The following TCF12 variants were observed in gnomAD, a reference collection of about 807,000 sequenced individuals.
The protein encoded by TCF12 is transcription factor 12, also known as DNA-binding protein HTF4.
A neutral mutation model predicts 86.0 loss-of-function variants in TCF12; 45 were observed. The ratio of observed to expected loss-of-function variants is 0.52; its 90% CI spans 0.41 to 0.67. The LOEUF (loss-of-function observed/expected upper bound fraction) is 0.67, where lower values mean the gene tolerates loss of function less well. Among genes scored for constraint, TCF12 ranks in the 30% least tolerant of loss-of-function variants. The probability of loss-of-function intolerance (pLI) is 0.00; values close to 1 mark genes in which losing one functional copy is unlikely to be tolerated. For missense variants in TCF12, 881 were observed against 859.9 expected, an observed-to-expected ratio of 1.02 and a Z score of -0.31; for synonymous variants, 330 against 299.6, an observed-to-expected ratio of 1.10 and a Z score of -1.05.
intron 3 of TCF12, among the ~76,000 whole-genome samples, chr15:57,062,583 T>C (rs1200857869): frequency 5.9e-5 from 9 of 152,204 alleles, no homozygotes; most frequent in African/African-American, 1.7e-4. Context: ...CCTTCCCTGC[T>C]TTTTGTTACC....
intron 12 of TCF12, among the ~76,000 whole-genome samples, chr15:57,237,173 A>ATG (rs1566964132): frequency 1.2e-4 from 17 of 140,594 alleles, no homozygotes; most frequent in African/African-American, 4.3e-4. Context: ...GTGTGTGTGT[A>ATG]TATGTATGTG....
chr15:56,926,312 CA>C (rs10648785), intron 3 of TCF12, among the ~76,000 whole-genome samples: 109 of 127,434 alleles, frequency 8.6e-4, no homozygotes, highest in Admixed American at 1.8e-3. Context: ...GACTCTGTCT[CA>C]AAAAAAAAAA....
intron 13 of TCF12, among the ~76,000 whole-genome samples, chr15:57,246,566 C>T (rs1169207439): frequency 2.6e-5 from 4 of 151,926 alleles, no homozygotes; most frequent in African/African-American, 4.8e-5. Context: ...GAAAAAAGAC[C>T]GTCTCTCTTT....
At chr15:56,977,266 C>T (rs2062656755) in intron 3 of TCF12, among the ~76,000 whole-genome samples, 1 of 151,980 alleles carries the variant, frequency 6.6e-6, no homozygotes, top group Non-Finnish European at 1.5e-5. Context: ...GGTGTGGTGG[C>T]TTATGCCTGT....
chr15:57,085,805 C>G (rs2048585726), intron 4 of TCF12, among the ~76,000 whole-genome samples: 1 of 152,156 alleles, frequency 6.6e-6, no homozygotes, highest in Non-Finnish European at 1.5e-5. Context: ...TCATCCAGAA[C>G]TTTCTGATGG....
At chr15:56,994,854 A>C (rs1257359231) in intron 3 of TCF12, among the ~76,000 whole-genome samples, 1 of 152,144 alleles carries the variant, frequency 6.6e-6, no homozygotes, top group Non-Finnish European at 1.5e-5. Context: ...TATCAGAAGA[A>C]AACTTGACAT....
At chr15:57,205,428 C>T (rs1184112770) in intron 8 of TCF12, among the ~76,000 whole-genome samples, 2 of 152,204 alleles carry the variant, frequency 1.3e-5, no homozygotes, top group Non-Finnish European at 2.9e-5. Context: ...TGAGTAAACC[C>T]TCCAGATCTT....
At chr15:56,940,334 T>C (rs1309280084) in intron 3 of TCF12, among the ~76,000 whole-genome samples, 3 of 152,142 alleles carry the variant, frequency 2.0e-5, no homozygotes, top group Non-Finnish European at 2.9e-5. Context: ...AAATCGTCTT[T>C]GGTTTTAGAA....
chr15:57,160,228 A>G (rs2054401904), intron 5 of TCF12, among the ~76,000 whole-genome samples: 1 of 152,230 alleles, frequency 6.6e-6, no homozygotes, highest in Non-Finnish European at 1.5e-5. Flanking sequence ...ACAGTTCAGC[A>G]TGGCTGGAGA....
At chr15:57,258,331 C>G (rs2060442490) in intron 16 of TCF12, among the ~76,000 whole-genome samples, 1 of 152,118 alleles carries the variant, frequency 6.6e-6, no homozygotes, top group Non-Finnish European at 1.5e-5. Flanking sequence ...AAAAAGAGCT[C>G]TCTGCAATAT....
At chr15:57,058,553 A>C (rs757747943) in intron 3 of TCF12, among the ~76,000 whole-genome samples, 1 of 152,160 alleles carries the variant, frequency 6.6e-6, no homozygotes, top group Non-Finnish European at 1.5e-5. Flanking sequence ...GATTCCTTCT[A>C]ATCTTTCCAC....
intron 3 of TCF12, among the ~76,000 whole-genome samples, chr15:57,049,125 G>A (rs1201869447): frequency 6.6e-6 from 1 of 152,090 alleles, no homozygotes; most frequent in Non-Finnish European, 1.5e-5. Flanking sequence ...AAAGGTCTTG[G>A]CCCACTTGCA....
chr15:57,269,455 C>T (rs373749616), intron 18 of TCF12, among the ~76,000 whole-genome samples: 86 of 130,900 alleles, frequency 6.6e-4, no homozygotes, highest in Non-Finnish European at 1.1e-3. Flanking sequence ...TGTATCTTTG[C>T]GCATGAAGTG....
At chr15:57,232,975 TTATATA>T (rs1405261374) in intron 11 of TCF12, 119 bp downstream of exon 11, 12 of 583,244 alleles carry the variant, frequency 2.1e-5, no homozygotes, top group African/African-American at 8.0e-5. Context: ...TGTATATATG[TTATATA>T]TGTATATGTG....
chr15:57,272,931 T>C, intron 18 of TCF12, 99 bp from the exon 19 acceptor site: 1 of 1,087,218 alleles, frequency 9.2e-7, no homozygotes, highest in Non-Finnish European at 1.3e-6. Flanking sequence ...GATTTATAGG[T>C]GGTTTTCATT....
chr15:57,094,999 A>G (rs1181443872), intron 5 of TCF12, among the ~76,000 whole-genome samples: 1 of 152,224 alleles, frequency 6.6e-6, no homozygotes, highest in Admixed American at 6.5e-5. Flanking sequence ...TTGCAACAGA[A>G]AGTGTGTTTA....
chr15:57,026,458 G>A (rs1023737628), intron 3 of TCF12, among the ~76,000 whole-genome samples: 2 of 152,138 alleles, frequency 1.3e-5, no homozygotes, highest in Non-Finnish European at 2.9e-5. Flanking sequence ...TAGGACTCTT[G>A]TAGAAGAGAG....
chr15:57,089,584 GTTT>G (rs71113060), intron 4 of TCF12, among the ~76,000 whole-genome samples: 60,282 of 145,604 alleles, frequency 0.41, 13,805 homozygotes, highest in Non-Finnish European at 0.53. Context: ...TTAGGAAATA[GTTT>G]TTTTTTTTTT....
intron 7 of TCF12, among the ~76,000 whole-genome samples, chr15:57,192,717 G>C (rs2057049137): frequency 2.0e-5 from 3 of 151,986 alleles, no homozygotes. Flanking sequence ...GAAGAGAGTT[G>C]GATTCGTGGG....
Sources: gnomAD v4.1 joint callset for allele counts (sites outside exome capture counted in the v4.1 genomes callset) on GRCh38, gnomAD v4.1.1 for gene constraint, MANE v1.5 for transcripts, NCBI Gene and HGNC (gene_info 2026-07-23, HGNC 2026-07-21) for gene names.